The following CDH7 variants were observed in gnomAD, a reference collection of about 807,000 sequenced individuals.
The protein encoded by CDH7 is cadherin 7.
CDH7 carries 25 observed loss-of-function variants against 71.8 expected under a neutral mutation model. That is an observed-to-expected ratio of 0.35 (90% confidence interval 0.25 to 0.49). CDH7 has a LOEUF of 0.49. Ranked by LOEUF, CDH7 falls within the 20% of genes least tolerant of loss-of-function variation. The pLI is 0.99. For synonymous variants in CDH7, 381 were observed against 363.8 expected (o/e 1.05, Z -0.54); for missense variants, 862 against 974.6 (o/e 0.88, Z 1.54).
chr18:65,772,513 C>T (rs183227605), intron 2 of CDH7, among the ~76,000 whole-genome samples: 50 of 152,098 alleles, frequency 3.3e-4, no homozygotes, highest in African/African-American at 1.1e-3. Flanking sequence ...CTAGTCATTG[C>T]GATTTGATTT....
At chr18:65,873,627 C>G (rs1913989185) in intron 11 of CDH7, among the ~76,000 whole-genome samples, 1 of 152,102 alleles carries the variant, frequency 6.6e-6, no homozygotes, top group African/African-American at 2.4e-5. Context: ...TGAAGAATAG[C>G]CATATTCCAA....
At chr18:65,797,195 A>G (rs1910948574) in intron 2 of CDH7, among the ~76,000 whole-genome samples, 1 of 152,156 alleles carries the variant, frequency 6.6e-6, no homozygotes, top group African/African-American at 2.4e-5. Flanking sequence ...AGGAAAACCA[A>G]TATGCCTTTC....
Position 65,880,946 on chromosome 18 carries a change from A to T in CDH7, c.*52A>T, listed in dbSNP as rs778912633. On this transcript the variant is annotated 3_prime_UTR_variant, in exon 12 of 12. Coordinates refer to ENST00000397968, the MANE Select transcript of CDH7 (RefSeq NM_004361.5). Reference sequence around the variant, plus strand: ...TGAAGAAAAAGTAACAGCAAAAAATAAAATAAAATGAAATAAAATAATAAA... The same window carrying T: ...TGAAGAAAAAGTAACAGCAAAAAATTAAATAAAATGAAATAAAATAATAAA... 1 of 1,508,342 alleles carries T rather than the reference A, an allele frequency of 6.6e-7. No homozygotes were observed. The highest frequency in any genetic ancestry group is 8.9e-7 in the Non-Finnish European group (1 of 1,126,098). The allele number at this position is 1,508,342 out of a possible 1,614,324, so 93.4% of individuals were successfully genotyped here.
At chr18:65,781,942 C>A (rs1399318987) in intron 2 of CDH7, among the ~76,000 whole-genome samples, 3 of 96,076 alleles carry the variant, frequency 3.1e-5, no homozygotes, top group African/African-American at 1.4e-4. Context: ...CTCTCTCTCT[C>A]TCTTTCTCTC....
intron 4 of CDH7, among the ~76,000 whole-genome samples, chr18:65,817,346 C>G (rs1321710992): frequency 6.6e-6 from 1 of 152,130 alleles, no homozygotes; most frequent in Non-Finnish European, 1.5e-5. Flanking sequence ...AGTGCTGTCT[C>G]TTTTGAAAGC....
At chr18:65,833,502 G>C (rs553324341) in intron 6 of CDH7, among the ~76,000 whole-genome samples, 2 of 152,152 alleles carry the variant, frequency 1.3e-5, no homozygotes, top group African/African-American at 2.4e-5. Context: ...GCTCTCATTT[G>C]ACTGTAAAAA....
At chr18:65,766,949 C>G (rs915113492) in intron 2 of CDH7, among the ~76,000 whole-genome samples, 4 of 144,722 alleles carry the variant, frequency 2.8e-5, no homozygotes, top group African/African-American at 1.0e-4. Context: ...AGCCTCTGTT[C>G]CAGGTATTAA....
intron 3 of CDH7, 90 bp downstream of exon 3, chr18:65,810,088 A>AC (rs1568197538): frequency 8.7e-7 from 1 of 1,150,046 alleles, no homozygotes; most frequent in African/African-American, 1.6e-5. Context: ...ACTGAAAAAA[A>AC]AAAAAACCTT....
chr18:65,844,175 A>ATTTT (rs71856562), intron 7 of CDH7, 110 bp downstream of exon 7: 2 of 148,966 alleles, frequency 1.3e-5, no homozygotes, highest in African/African-American at 1.3e-4. Flanking sequence ...TAAAAACCAG[A>ATTTT]TATATATATA....
intron 2 of CDH7, among the ~76,000 whole-genome samples, chr18:65,808,496 T>C (rs1240227715): frequency 6.6e-6 from 1 of 152,174 alleles, no homozygotes. Flanking sequence ...TTACTTTTTG[T>C]GTTATTTAGT....
rs759197321 is a variant in CDH7, at chr18:65,844,033, T to C, written c.1203T>C (p.Ala401=). 1.9e-6 allele frequency: 3 copies of C among 1,613,156 alleles called. No homozygotes were observed. Among genetic ancestry groups the C allele is most frequent in the South Asian group, 1.1e-5 (1 of 91,060 alleles). Residue 401 remains alanine (A), a synonymous_variant, in exon 7 of 12, where the codon GCT becomes GCC. Transcript: ENST00000397968. The stretch of plus-strand genomic sequence containing the variant: ...GGAATATCATTGGCACTGTAGCAGC[T>C]CATGACCCAGATTCTTCCAATAGCC... ...QVGNIIGTVA[A]HDPDSSNSPV...
Position 65,878,677 on chromosome 18 carries a change from TA to T in CDH7, c.1865-1722del, listed in dbSNP as rs1464354340. Among the ~76,000 whole-genome samples, 5 of 152,296 alleles carry T rather than the reference TA, an allele frequency of 3.3e-5. No individual in the cohort carries two copies. In the South Asian group the frequency reaches 1.0e-3, roughly 32 times the overall value. On this transcript the variant is annotated intron_variant, in intron 11 of 11. Coordinates refer to ENST00000397968, the MANE Select transcript of CDH7 (RefSeq NM_004361.5). Reference sequence around the variant, plus strand: ...GTAATTGTGATTTTTGCTATTACCTTAATTGCAAAAACCACAGTTACTTTTG... The same window carrying T: ...GTAATTGTGATTTTTGCTATTACCTTATTGCAAAAACCACAGTTACTTTTG...
Position 65,862,672 on chromosome 18 carries a change from C to T in CDH7, c.1619C>T (p.Thr540Ile). ...NFSLKDNKDNTASILTRRNGF... is the reference protein window; with the variant it reads ...NFSLKDNKDNIASILTRRNGF... ...TTTGCTTTCGTTATCCTAGACAACA[C>T]AGCCTCAATACTGACCAGGAGAAAC... Residue 540 changes from threonine to isoleucine, a missense_variant, in exon 11 of 12, where the codon ACA (threonine) becomes ATA (isoleucine). Thr to Ile is a moderately conservative substitution (Grantham distance 89, BLOSUM62 -1). Coordinates refer to ENST00000397968, the MANE Select transcript of CDH7 (RefSeq NM_004361.5). 6.2e-7 allele frequency: 1 copy of T among 1,613,974 alleles called. No homozygotes were observed. The highest frequency in any genetic ancestry group is 8.5e-7 in the Non-Finnish European group (1 of 1,179,872).
At chr18:65,827,442 G>A (rs1912173717) in intron 6 of CDH7, among the ~76,000 whole-genome samples, 1 of 151,798 alleles carries the variant, frequency 6.6e-6, no homozygotes, top group Admixed American at 6.6e-5. Flanking sequence ...GAACCAAACA[G>A]ACTATCTAGC....
intron 6 of CDH7, among the ~76,000 whole-genome samples, chr18:65,834,662 A>G (rs1424096612): frequency 6.6e-6 from 1 of 152,228 alleles, no homozygotes; most frequent in African/African-American, 2.4e-5. Context: ...GGATCCTGAC[A>G]TCTATGATAC....
chr18:65,770,984 A>G (rs927359328), intron 2 of CDH7, among the ~76,000 whole-genome samples: 19 of 152,192 alleles, frequency 1.2e-4, no homozygotes, highest in Non-Finnish European at 1.5e-4. Flanking sequence ...CAGCAAAGTC[A>G]GTTTCTGGTG....
intron 2 of CDH7, among the ~76,000 whole-genome samples, chr18:65,805,867 G>A (rs1911299030): frequency 6.6e-6 from 1 of 152,046 alleles, no homozygotes. Context: ...TGTTTTAGAG[G>A]AAATAATTTG....
At chr18:65,873,752 G>A (rs548240190) in intron 11 of CDH7, among the ~76,000 whole-genome samples, 24 of 152,162 alleles carry the variant, frequency 1.6e-4, no homozygotes, top group Admixed American at 7.2e-4. Flanking sequence ...TATAGATGAT[G>A]GTGTTTTTGG....
intron 6 of CDH7, among the ~76,000 whole-genome samples, chr18:65,839,820 A>G (rs189300629): frequency 1.4e-4 from 22 of 152,296 alleles, no homozygotes; most frequent in African/African-American, 4.1e-4. Flanking sequence ...AGTGTGCTGG[A>G]TGCTGATCAC....
Sources: allele counts gnomAD v4.1 joint callset (sites outside exome capture counted in the v4.1 genomes callset), GRCh38; gene constraint gnomAD v4.1.1; transcripts MANE v1.5; gene names NCBI Gene and HGNC (gene_info 2026-07-23, HGNC 2026-07-21).